Variants in SPTLC3 observed in about 807,000 individuals in gnomAD.
SPTLC3 encodes the protein serine palmitoyltransferase long chain base subunit 3.
SPTLC3 carries 36 observed loss-of-function variants against 59.3 expected under a neutral mutation model. The ratio of observed to expected loss-of-function variants is 0.61; its 90% CI spans 0.47 to 0.80. The LOEUF (loss-of-function observed/expected upper bound fraction) is 0.80. Ranked by LOEUF, SPTLC3 falls within the 30% of genes least tolerant of loss-of-function variation. The pLI is 0.00. For missense variants in SPTLC3, 625 were observed against 685.1 expected (o/e 0.91, Z 0.98); for synonymous variants, 257 against 240.8 (o/e 1.07, Z -0.62).
rs934295224 is a variant in SPTLC3, at chr20:13,064,442, C to A, written c.304-7814C>A. 2.6e-5 allele frequency among the ~76,000 whole-genome samples: 4 copies of A among 152,126 alleles called. No homozygotes were observed. In the East Asian group the frequency reaches 5.8e-4, roughly 22 times the overall value. ...CCGAGTAGCTGAAATTACAGGCATG[C>A]GCGCCACCGCGCCCGGCTAATTTTT... On this transcript the variant is annotated intron_variant, in intron 2 of 11. Coordinates refer to ENST00000399002, the MANE Select transcript of SPTLC3 (RefSeq NM_018327.4).
At chr20:13,114,434 T>C (rs1429918147) in intron 7 of SPTLC3, among the ~76,000 whole-genome samples, 1 of 152,200 alleles carries the variant, frequency 6.6e-6, no homozygotes, top group Non-Finnish European at 1.5e-5. Context: ...CCAAATAACC[T>C]GGGACATAAA....
chr20:13,138,971 T>G (rs146476437), intron 9 of SPTLC3, among the ~76,000 whole-genome samples: 45 of 152,306 alleles, frequency 3.0e-4, no homozygotes, highest in African/African-American at 1.0e-3. Flanking sequence ...TGTATTTGAC[T>G]TTTTCATACA....
chr20:13,129,852 CT>C (rs2038082475), intron 9 of SPTLC3, among the ~76,000 whole-genome samples: 1 of 152,144 alleles, frequency 6.6e-6, no homozygotes, highest in Non-Finnish European at 1.5e-5. Context: ...GCTTCTCTCT[CT>C]TAGCCTTATA....
intron 1 of SPTLC3, among the ~76,000 whole-genome samples, chr20:13,030,244 T>C (rs1039325049): frequency 3.3e-5 from 5 of 152,224 alleles, no homozygotes; most frequent in African/African-American, 7.2e-5. Context: ...CTGTTGTTGG[T>C]TCATTCCTGT....
At chr20:13,111,253 A>G (rs1488196534) in intron 7 of SPTLC3, among the ~76,000 whole-genome samples, 1 of 152,044 alleles carries the variant, frequency 6.6e-6, no homozygotes, top group East Asian at 1.9e-4. Context: ...TTTCTGCATC[A>G]CCTACCATTA....
At chr20:13,148,169 G>A (rs1427660885) in intron 9 of SPTLC3, among the ~76,000 whole-genome samples, 2 of 152,180 alleles carry the variant, frequency 1.3e-5, no homozygotes, top group Non-Finnish European at 2.9e-5. Context: ...TTTTGGAAAT[G>A]CCACTGATCA....
chr20:13,054,278 G>A (rs6041817), intron 2 of SPTLC3, among the ~76,000 whole-genome samples: 132,693 of 152,156 alleles, frequency 0.87, 57,923 homozygotes, highest in East Asian at 0.92. Flanking sequence ...GGTTCTTTTA[G>A]TAAGCCATGG....
intron 4 of SPTLC3, among the ~76,000 whole-genome samples, chr20:13,089,508 A>T (rs1006419790): frequency 2.0e-5 from 3 of 152,162 alleles, no homozygotes; most frequent in Non-Finnish European, 4.4e-5. Context: ...ATATCGGGCC[A>T]GGTGCAGTGG....
In SPTLC3 at chr20:13,046,639, G is replaced by A. The variant is rs116502323; in HGVS notation, c.118-2306G>A. Among the ~76,000 whole-genome samples the A allele has an allele frequency of 5.7e-3, 874 of 152,134 alleles. 11 individuals are homozygous for A. The highest frequency in any genetic ancestry group is 0.02 in the African/African-American group (815 of 41,504). ...GAAGTCACCTGGAATTGTGGAGATC[G>A]ATGTAGTCTAAAGTTCAAGTGCAGA... On this transcript the variant is annotated intron_variant, in intron 1 of 11. Coordinates refer to ENST00000399002, the MANE Select transcript of SPTLC3 (RefSeq NM_018327.4).
At chr20:13,160,235 T>G in intron 11 of SPTLC3, 103 bp downstream of exon 11, 3 of 1,382,696 alleles carry the variant, frequency 2.2e-6, no homozygotes, top group Non-Finnish European at 2.9e-6. Context: ...TCTCTTGGGT[T>G]ATTTAGGAAA....
At chr20:13,123,959 T>C (rs1357303181) in intron 8 of SPTLC3, among the ~76,000 whole-genome samples, 1 of 151,930 alleles carries the variant, frequency 6.6e-6, no homozygotes, top group African/African-American at 2.4e-5. Flanking sequence ...AACATGCCAC[T>C]GTGAAGGACA....
At chr20:13,102,201 A>G (rs1600279422) in intron 6 of SPTLC3, among the ~76,000 whole-genome samples, 1 of 152,144 alleles carries the variant, frequency 6.6e-6, no homozygotes, top group East Asian at 1.9e-4. Context: ...GCAAGCCATG[A>G]TCTTTTATAT....
At chr20:13,160,875 T>A (rs1242129499) in intron 11 of SPTLC3, among the ~76,000 whole-genome samples, 1 of 152,050 alleles carries the variant, frequency 6.6e-6, no homozygotes, top group Non-Finnish European at 1.5e-5. Context: ...ATTATTAGAG[T>A]GGAGAAGATT....
chr20:13,058,592 A>T (rs1987824330), intron 2 of SPTLC3, among the ~76,000 whole-genome samples: 1 of 152,168 alleles, frequency 6.6e-6, no homozygotes, highest in African/African-American at 2.4e-5. Context: ...GGCAGAGGGG[A>T]GGGCTGGTCA....
intron 11 of SPTLC3, among the ~76,000 whole-genome samples, chr20:13,163,695 A>G (rs1391593811): frequency 6.6e-6 from 1 of 152,114 alleles, no homozygotes; most frequent in Non-Finnish European, 1.5e-5. Context: ...TGTCAGTTTG[A>G]AAGATTTCCC....
intron 5 of SPTLC3, 140 bp downstream of exon 5, chr20:13,091,347 G>C: frequency 9.7e-7 from 1 of 1,029,418 alleles, no homozygotes; most frequent in South Asian, 1.8e-5. Flanking sequence ...GCCCAAGGCG[G>C]GCGGATCACG....
intron 9 of SPTLC3, among the ~76,000 whole-genome samples, chr20:13,145,737 C>G (rs1237980453): frequency 1.3e-5 from 2 of 152,140 alleles, no homozygotes. Flanking sequence ...CAACTTCACA[C>G]TATACTACAA....
At chr20:13,107,418 T>C (rs1989965171) in intron 6 of SPTLC3, among the ~76,000 whole-genome samples, 1 of 152,190 alleles carries the variant, frequency 6.6e-6, no homozygotes, top group South Asian at 2.1e-4. Context: ...GGTGTCCAGA[T>C]GGCAGAGGGA....
intron 8 of SPTLC3, among the ~76,000 whole-genome samples, chr20:13,121,587 C>A (rs1215554254): frequency 6.6e-6 from 1 of 152,220 alleles, no homozygotes; most frequent in South Asian, 2.1e-4. Context: ...GACCTCTAAC[C>A]CACCCTGAAG....
Sources: allele counts gnomAD v4.1 joint callset (sites outside exome capture counted in the v4.1 genomes callset), GRCh38; gene constraint gnomAD v4.1.1; transcripts MANE v1.5; gene names NCBI Gene and HGNC (gene_info 2026-07-23, HGNC 2026-07-21).